Variants in CNTRL observed in about 807,000 individuals in gnomAD.
The protein encoded by CNTRL is 110 kDa centrosomal protein.
In CNTRL, 233 loss-of-function variants were observed where a neutral mutation model predicts 303.7. The ratio of observed to expected loss-of-function variants is 0.77; its 90% CI spans 0.69 to 0.86. CNTRL has a LOEUF of 0.86. Ranked by LOEUF, CNTRL falls within the 40% of genes least tolerant of loss-of-function variation. The pLI, the probability that CNTRL is intolerant of heterozygous loss-of-function variation, is 0.00. For synonymous variants in CNTRL, 900 were observed against 922.2 expected (o/e 0.98, Z 0.44); for missense variants, 2,524 against 2,650.6 (o/e 0.95, Z 1.05).
chr9:121,117,029 C>T (rs1465320543), intron 11 of CNTRL, among the ~76,000 whole-genome samples: 1 of 152,126 alleles, frequency 6.6e-6, no homozygotes, highest in Non-Finnish European at 1.5e-5. Flanking sequence ...ATAGATACTT[C>T]CAAAATATGC....
chr9:121,078,415 G>GA, intron 1 of CNTRL, among the ~76,000 whole-genome samples: 1 of 151,856 alleles, frequency 6.6e-6, no homozygotes. Flanking sequence ...CTCAAAAAAA[G>GA]AAAAAAATAG....
Position 121,098,633 on chromosome 9 carries a change from A to T in CNTRL, c.808+61A>T, listed in dbSNP as rs888966131. ...AGGGAGGAATTTATTTTCAGAAGTTATCTAGAAATATGTATCATGAACTTT... is the reference window on the plus strand; with the variant it reads ...AGGGAGGAATTTATTTTCAGAAGTTTTCTAGAAATATGTATCATGAACTTT... On this transcript the variant is annotated intron_variant, in intron 7 of 43. Transcript: ENST00000373855. 2.4e-5 allele frequency: 25 copies of T among 1,050,552 alleles called. No homozygotes were observed. The African/African-American group carries it at 3.9e-4, about 16-fold the overall frequency. 65.1% of individuals were successfully genotyped at this position (1,050,552 alleles called of 1,614,324 possible).
intron 40 of CNTRL, among the ~76,000 whole-genome samples, chr9:121,172,578 C>T (rs1299713728): frequency 6.6e-6 from 1 of 152,096 alleles, no homozygotes; most frequent in Non-Finnish European, 1.5e-5. Context: ...GAGGTTGAGA[C>T]TGCAGTGAGC....
chr9:121,078,432 T>C (rs1208909943), intron 1 of CNTRL, among the ~76,000 whole-genome samples: 1 of 152,144 alleles, frequency 6.6e-6, no homozygotes. Flanking sequence ...ATAGTATTAC[T>C]GAGACTACAG....
chr9:121,157,715 G>T, intron 28 of CNTRL, 25 bp from the exon 29 acceptor site: 1 of 1,612,176 alleles, frequency 6.2e-7, no homozygotes, highest in Non-Finnish European at 8.5e-7. Flanking sequence ...ACAGGACCTG[G>T]GGGGAATAAA....
In CNTRL at chr9:121,168,309, CT is replaced by C; in HGVS notation, c.6059del (p.Leu2020ProfsTer32). On this transcript the variant is annotated frameshift_variant, in exon 38 of 44. Coordinates refer to ENST00000373855, the MANE Select transcript of CNTRL (RefSeq NM_007018.6). LOFTEE classifies it high-confidence loss of function. ...GTGGTGTGAGAGCCTGGAGAAGACA[CT>C]CTCCCAAACTAGTATGTATTCTGGA... is the stretch of plus-strand genomic sequence containing the variant. Reference protein sequence around the residue: ...ERWCESLEKTLSQTKRQLSER... With the variant: ...ERWCESLEKTXSQTKRQLSER... The C allele has an allele frequency of 6.2e-7, 1 of 1,613,692 alleles. No individual in the cohort carries two copies. The highest frequency in any genetic ancestry group is 1.1e-5 in the South Asian group (1 of 91,074).
chr9:121,161,669 TTAAA>T (rs1588309352), intron 32 of CNTRL, among the ~76,000 whole-genome samples, 183 bp from the exon 33 acceptor site: 1 of 152,228 alleles, frequency 6.6e-6, no homozygotes, highest in Admixed American at 6.5e-5. Context: ...TTTTAACAAA[TTAAA>T]TAGTATTTAG....
At position 121,162,242 on chromosome 9, in the gene CNTRL, T is replaced by A. The variant is rs761073671; in HGVS notation, c.5394T>A (p.Ile1798=). 2.5e-6 allele frequency: 4 copies of A among 1,614,010 alleles called. No individual in the cohort carries two copies. In the Admixed American group the frequency reaches 6.7e-5, roughly 27 times the overall value. The change falls in exon 34 of 44, where the codon ATT becomes ATA. Residue 1798 remains isoleucine, a synonymous_variant. Coordinates refer to ENST00000373855, the MANE Select transcript of CNTRL (RefSeq NM_007018.6). ...AAGATCTCCAAGAGAAATGTGACAT[T>A]TGGGAAAAAAAGTTGGCACAAACCA... The part of the protein sequence containing the change: ...EKEDLQEKCD[I]WEKKLAQTKR...
Position 121,168,213 on chromosome 9 carries a change from A to C in CNTRL, c.5962A>C (p.Lys1988Gln). Residue 1988 changes from lysine (K) to glutamine (Q), a missense_variant, in exon 38 of 44, where the codon AAA becomes CAA. Coordinates refer to ENST00000373855, the MANE Select transcript of CNTRL (RefSeq NM_007018.6). ...LEKELTDQKS[K>Q]LDQVLSKVLA... Reference sequence around the variant, plus strand: ...AAAGGAATTAACAGACCAGAAAAGCAAACTGGACCAAGTGCTCTCAAAGGT... The same window carrying C: ...AAAGGAATTAACAGACCAGAAAAGCCAACTGGACCAAGTGCTCTCAAAGGT... The C allele has an allele frequency of 6.2e-7, 1 of 1,614,202 alleles. No individual in the cohort carries two copies. The highest frequency in any genetic ancestry group is 8.5e-7 in the Non-Finnish European group (1 of 1,180,042).
chr9:121,174,984 T>A lies in CNTRL; in HGVS notation c.6748-34T>A, dbSNP rs984103437. ...AGCGGCAGTTCTGGTACATTTCTTCTGTGTAAAACCCTAAGTCTTATCACA... is the reference window on the plus strand; with the variant it reads ...AGCGGCAGTTCTGGTACATTTCTTCAGTGTAAAACCCTAAGTCTTATCACA... On this transcript the variant is annotated intron_variant, in intron 42 of 43. Coordinates refer to ENST00000373855, the MANE Select transcript of CNTRL (RefSeq NM_007018.6). 9 of 1,590,260 alleles carry A rather than the reference T, an allele frequency of 5.7e-6. No homozygotes were observed. The African/African-American group carries it at 1.2e-4, about 21-fold the overall frequency.
chr9:121,143,875 T>A (rs2051674157), intron 19 of CNTRL, 28 bp from the exon 20 acceptor site: 1 of 1,541,842 alleles, frequency 6.5e-7, no homozygotes, highest in South Asian at 1.2e-5. Flanking sequence ...ATGATTCATC[T>A]GTTTAATTAA....
Position 121,123,949 on chromosome 9 carries a change from AAG to A in CNTRL, c.1672_1673del (p.Ser558ArgfsTer2), listed in dbSNP as rs1318210207. 6.2e-7 allele frequency: 1 copy of A among 1,600,628 alleles called. No individual in the cohort carries two copies. The highest frequency in any genetic ancestry group is 1.1e-5 in the South Asian group (1 of 87,688). ...AATTCAGTCCCATATGAAGGCTCAA[AAG>A]AGCGGTAAAGAACAACAGCTTGACA... The part of the protein sequence containing the change: ...DPKHSHMKAQ[K>X]SGKEQQLDIM... On this transcript the variant is annotated frameshift_variant, in exon 13 of 44. Coordinates refer to ENST00000373855, the MANE Select transcript of CNTRL (RefSeq NM_007018.6). LOFTEE classifies it high-confidence loss of function.
At chr9:121,077,801 C>G (rs1471940620) in intron 1 of CNTRL, among the ~76,000 whole-genome samples, 1 of 149,044 alleles carries the variant, frequency 6.7e-6, no homozygotes, top group Admixed American at 6.8e-5. Flanking sequence ...AAAAAATTAG[C>G]CAAGCGTGGT....
chr9:121,164,928 T>TA lies in CNTRL; in HGVS notation c.5424-14dup, dbSNP rs763536588. 1.2e-6 allele frequency: 2 copies of TA among 1,606,226 alleles called. No homozygotes were observed. On this transcript the variant is annotated splice_polypyrimidine_tract_variant and intron_variant, in intron 34 of 43. Transcript: ENST00000373855. ...TGCTTGTATATTTGACAGTCTGACT[T>TA]ACTCTCTGTGGTAGGGTTTTAGCAG... is the stretch of plus-strand genomic sequence containing the variant.
At chr9:121,175,506 C>A (rs558198193) in intron 43 of CNTRL, among the ~76,000 whole-genome samples, 12 of 152,258 alleles carry the variant, frequency 7.9e-5, no homozygotes, top group African/African-American at 2.9e-4. Flanking sequence ...TGGGCTCAAG[C>A]GATCCTCCTG....
chr9:121,090,097 AT>A lies in CNTRL; in HGVS notation c.218-177del, dbSNP rs113017791. Among the ~76,000 whole-genome samples the A allele has an allele frequency of 1.3e-3, 173 of 130,402 alleles. 1 individual carries two copies. The highest frequency in any genetic ancestry group is 4.4e-3 in the African/African-American group (113 of 25,660). The allele number at this position is 130,402 out of a possible 152,430, so 85.5% of individuals were successfully genotyped here. On this transcript the variant is annotated intron_variant, in intron 3 of 43. Transcript: ENST00000373855. ...ACAATCATTACATCATTATTTCATT[AT>A]AATTATGAAATGCTATGAAGTAAAA...
At chr9:121,087,434 T>C (rs754469098) in intron 2 of CNTRL, among the ~76,000 whole-genome samples, 10 of 152,262 alleles carry the variant, frequency 6.6e-5, no homozygotes, top group Non-Finnish European at 1.2e-4. Flanking sequence ...CACCCATATG[T>C]AATCCCAGCA....
intron 24 of CNTRL, among the ~76,000 whole-genome samples, chr9:121,149,442 C>T (rs1284254986): frequency 2.0e-5 from 3 of 151,764 alleles, no homozygotes; most frequent in African/African-American, 7.3e-5. Flanking sequence ...CGCTCTGTCA[C>T]CCAGGCTAGA....
chr9:121,150,033 T>G (rs2052129049), intron 24 of CNTRL, 137 bp from the exon 25 acceptor site: 3 of 591,220 alleles, frequency 5.1e-6, no homozygotes, highest in Non-Finnish European at 5.5e-6. Flanking sequence ...TTTTGACCTT[T>G]TTTTCAGAGT....
Sources: allele counts gnomAD v4.1 joint callset (sites outside exome capture counted in the v4.1 genomes callset), GRCh38; gene constraint gnomAD v4.1.1; transcripts MANE v1.5; gene names NCBI Gene and HGNC (gene_info 2026-07-23, HGNC 2026-07-21).